KIAA1671: variants seen among roughly 807,000 people sequenced by gnomAD.
The protein encoded by KIAA1671 is KIAA1671.
Under a neutral mutation model 131.2 loss-of-function variants are expected in KIAA1671, and 52 were observed. The observed-to-expected ratio is 0.40, with a 90% CI of 0.32 to 0.50. The LOEUF is 0.50. Among genes scored for constraint, KIAA1671 ranks in the 20% least tolerant of loss-of-function variants. The pLI, the probability that KIAA1671 is intolerant of heterozygous loss-of-function variation, is 0.73. For synonymous variants in KIAA1671, 1,003 were observed against 961.6 expected (o/e 1.04, Z -0.80); for missense variants, 2,360 against 2,364.2 (o/e 1.00, Z 0.04).
At chr22:25,038,717 C>G in intron 4 of KIAA1671, 43 bp from the exon 5 acceptor site, 1 of 1,491,822 alleles carries the variant, frequency 6.7e-7, no homozygotes, top group Non-Finnish European at 9.0e-7. Context: ...ATCTCAAATC[C>G]TTAAACACTG....
intron 9 of KIAA1671, among the ~76,000 whole-genome samples, chr22:25,180,454 A>T (rs1280666492): frequency 6.6e-6 from 1 of 152,038 alleles, no homozygotes; most frequent in African/African-American, 2.4e-5. Flanking sequence ...AGGAGAATCG[A>T]TTGAACCCAG....
chr22:25,134,849 C>T (rs573722334), intron 6 of KIAA1671, among the ~76,000 whole-genome samples: 1 of 152,274 alleles, frequency 6.6e-6, no homozygotes, highest in African/African-American at 2.4e-5. Flanking sequence ...AGTTTCTTCT[C>T]AGGTAAATTG....
intron 2 of KIAA1671, among the ~76,000 whole-genome samples, chr22:25,027,363 G>A: frequency 6.6e-6 from 1 of 152,316 alleles, no homozygotes; most frequent in East Asian, 1.9e-4. Context: ...TGTGTGACCT[G>A]CAGCAGGTTA....
Position 25,170,810 on chromosome 22 carries a change from G to A in KIAA1671, c.4531-10G>A, listed in dbSNP as rs1933820947. Reference sequence around the variant, plus strand: ...CTGGTAGAAATCTCACATCTGGCTTGTCTTTGCAGGACCAGCTGAAGCAGT... The same window carrying A: ...CTGGTAGAAATCTCACATCTGGCTTATCTTTGCAGGACCAGCTGAAGCAGT... On this transcript the variant is annotated splice_polypyrimidine_tract_variant and intron_variant, in intron 6 of 12. Coordinates refer to ENST00000358431, the MANE Select transcript of KIAA1671 (RefSeq NM_001145206.2). 1.3e-6 allele frequency: 2 copies of A among 1,551,246 alleles called. No individual in the cohort carries two copies. Among genetic ancestry groups the A allele is most frequent in the African/African-American group, 1.4e-5 (1 of 73,046 alleles).
chr22:25,099,354 T>G (rs1930540209), intron 6 of KIAA1671, among the ~76,000 whole-genome samples: 1 of 152,096 alleles, frequency 6.6e-6, no homozygotes, highest in Non-Finnish European at 1.5e-5. Context: ...AGTCAGACTT[T>G]GGAGCCCTGC....
intron 6 of KIAA1671, chr22:25,063,062 G>A (rs1928259685): frequency 6.6e-6 from 1 of 151,998 alleles, no homozygotes; most frequent in South Asian, 2.1e-4. Context: ...AGAGAAGAGG[G>A]TCTTGAAACG....
intron 6 of KIAA1671, among the ~76,000 whole-genome samples, chr22:25,169,907 T>C (rs1451169815): frequency 6.6e-6 from 1 of 152,160 alleles, no homozygotes; most frequent in Non-Finnish European, 1.5e-5. Context: ...GCTATTTGAT[T>C]TGGGGCGTGT....
At chr22:25,025,136 A>ATCACTTGGTAGCAGCTACCAAGTGAAGCG (rs1925869314) in intron 1 of KIAA1671, among the ~76,000 whole-genome samples, 4 of 151,498 alleles carry the variant, frequency 2.6e-5, no homozygotes, top group Non-Finnish European at 3.0e-5. Flanking sequence ...CAAGTGAAGC[A>ATCACTTGGTAGCAGCTACCAAGTGAAGCG]CATCACTTGG....
At chr22:25,105,055 G>T (rs566109588) in intron 6 of KIAA1671, among the ~76,000 whole-genome samples, 15 of 150,144 alleles carry the variant, frequency 1.0e-4, no homozygotes, top group South Asian at 4.2e-4. Context: ...ACTGAGTCTC[G>T]CTCTGTTGCC....
chr22:25,098,957 G>A (rs1469238030), intron 6 of KIAA1671, among the ~76,000 whole-genome samples: 6 of 152,196 alleles, frequency 3.9e-5, no homozygotes, highest in East Asian at 1.9e-4. Flanking sequence ...GTGTGGAGGC[G>A]TGCTCTGCAA....
intron 6 of KIAA1671, among the ~76,000 whole-genome samples, chr22:25,113,910 T>G (rs1931520680): frequency 6.6e-6 from 1 of 152,204 alleles, no homozygotes. Flanking sequence ...TCTGTTTGTT[T>G]CTCTGTCACT....
intron 5 of KIAA1671, among the ~76,000 whole-genome samples, chr22:25,042,689 G>A (rs987942807): frequency 3.3e-5 from 5 of 151,718 alleles, no homozygotes; most frequent in African/African-American, 4.8e-5. Flanking sequence ...TGGCCAGGCC[G>A]GTCTTGAACT....
chr22:25,011,704 C>G (rs1925053139), intron 1 of KIAA1671: 1 of 135,880 alleles, frequency 7.4e-6, no homozygotes. Flanking sequence ...GTGGTGCGAT[C>G]TTGGATCACT....
chr22:25,080,693 C>G lies in KIAA1671; in HGVS notation c.4530+31329C>G, dbSNP rs553525708. ...CTTCCCAAAGCACTGGGATTACAGGCATGAACCATCACACCTGGCCAATTT... is the reference window on the plus strand; with the variant it reads ...CTTCCCAAAGCACTGGGATTACAGGGATGAACCATCACACCTGGCCAATTT... On this transcript the variant is annotated intron_variant, in intron 6 of 12. Coordinates refer to ENST00000358431, the MANE Select transcript of KIAA1671 (RefSeq NM_001145206.2). 9.8e-5 allele frequency among the ~76,000 whole-genome samples: 15 copies of G among 152,364 alleles called. No homozygotes were observed. In the South Asian group the frequency reaches 2.7e-3, roughly 27 times the overall value.
intron 6 of KIAA1671, chr22:25,053,188 G>A (rs1602100936): frequency 6.6e-6 from 1 of 152,234 alleles, no homozygotes; most frequent in East Asian, 1.9e-4. Context: ...GCAGAGCTGG[G>A]GCTGGAGTTC....
intron 6 of KIAA1671, among the ~76,000 whole-genome samples, chr22:25,143,770 C>A (rs1932838077): frequency 6.6e-6 from 1 of 152,202 alleles, no homozygotes; most frequent in Non-Finnish European, 1.5e-5. Flanking sequence ...GAAACCTGGG[C>A]CTAAGATTAG....
chr22:25,028,725 C>G lies in KIAA1671; in HGVS notation c.726C>G (p.Pro242=), dbSNP rs913039885. ...VEPRPRLKRR[P]VSAIFTESIQ... The stretch of plus-strand genomic sequence containing the variant: ...CCAGGCCTCGCCTGAAGAGAAGGCC[C>G]GTGTCTGCCATTTTCACGGAGTCCA... The change falls in exon 3 of 13, where the codon CCC becomes CCG. Residue 242 remains proline (P), a synonymous_variant. Transcript: ENST00000358431. 10 of 1,551,080 alleles carry G rather than the reference C, an allele frequency of 6.4e-6. No individual in the cohort carries two copies. Among genetic ancestry groups the G allele is most frequent in the African/African-American group, 2.7e-5 (2 of 73,058 alleles).
At chr22:25,159,018 T>G (rs1361048543) in intron 6 of KIAA1671, among the ~76,000 whole-genome samples, 1 of 152,166 alleles carries the variant, frequency 6.6e-6, no homozygotes, top group East Asian at 1.9e-4. Context: ...ATTGCCTCCC[T>G]GCCTACCTCT....
In KIAA1671 at chr22:25,196,640, A is replaced by G. The variant is rs1934838385; in HGVS notation, c.*4239A>G. ...TTTTGTAGAAACAGGATCTCACTAT[A>G]TTGCCCAAGCTGGTCTTAAACTTGG... is the stretch of plus-strand genomic sequence containing the variant. On this transcript the variant is annotated 3_prime_UTR_variant, in exon 13 of 13. Coordinates refer to ENST00000358431, the MANE Select transcript of KIAA1671 (RefSeq NM_001145206.2). 1 of 151,900 alleles carries G rather than the reference A, an allele frequency of 6.6e-6. No homozygotes were observed. Among genetic ancestry groups the G allele is most frequent in the Non-Finnish European group, 1.5e-5 (1 of 68,012 alleles). The allele number at this position is 151,900 out of a possible 1,614,324, so 9.4% of individuals were successfully genotyped here.
Sources: allele counts gnomAD v4.1 joint callset (sites outside exome capture counted in the v4.1 genomes callset), GRCh38; gene constraint gnomAD v4.1.1; transcripts MANE v1.5; gene names NCBI Gene and HGNC (gene_info 2026-07-23, HGNC 2026-07-21).